TSHZ2: variants seen among roughly 807,000 people sequenced by gnomAD.
The protein encoded by TSHZ2 is teashirt homolog 2.
Under a neutral mutation model 74.4 loss-of-function variants are expected in TSHZ2, and 21 were observed. The ratio of observed to expected loss-of-function variants is 0.28; its 90% CI spans 0.20 to 0.41. TSHZ2 has a LOEUF of 0.41. Ranked by LOEUF, TSHZ2 falls within the 10% of genes least tolerant of loss-of-function variation. TSHZ2 has a pLI of 1.00. For missense variants in TSHZ2, 1,244 were observed against 1,293.5 expected (o/e 0.96, Z 0.59); for synonymous variants, 540 against 515.3 (o/e 1.05, Z -0.65).
intron 1 of TSHZ2, among the ~76,000 whole-genome samples, chr20:53,092,405 C>T (rs1234242576): frequency 1.3e-5 from 2 of 152,154 alleles, no homozygotes; most frequent in Non-Finnish European, 1.5e-5. Flanking sequence ...TGAGTCTTCT[C>T]ATATTACCCG....
intron 1 of TSHZ2, among the ~76,000 whole-genome samples, chr20:52,987,543 C>G (rs1981820306): frequency 6.6e-6 from 1 of 151,790 alleles, no homozygotes; most frequent in South Asian, 2.1e-4. Context: ...CTCTCTCTCT[C>G]TCTCCCCTAC....
chr20:53,241,332 G>A (rs1237709223), intron 1 of TSHZ2, among the ~76,000 whole-genome samples: 3 of 152,130 alleles, frequency 2.0e-5, no homozygotes, highest in Admixed American at 6.6e-5. Context: ...CAGACTCGCT[G>A]TTCCATATAA....
In TSHZ2 at chr20:52,972,847, A is replaced by G; in HGVS notation, c.-447A>G. On this transcript the variant is annotated 5_prime_UTR_variant, in exon 1 of 3. Transcript: ENST00000371497. ...TTGCCTTTTTTTTTTCCTTATCTTT[A>G]CGCGCGAGTGTGCCTGTGGCGCGTG... 1 of 190,540 alleles carries G rather than the reference A, an allele frequency of 5.2e-6. No individual in the cohort carries two copies. The highest frequency in any genetic ancestry group is 1.0e-5 in the Non-Finnish European group (1 of 95,324). The allele number at this position is 190,540 out of a possible 1,614,324, so 11.8% of individuals were successfully genotyped here.
At chr20:53,143,609 G>A (rs1000862658) in intron 1 of TSHZ2, among the ~76,000 whole-genome samples, 2 of 152,040 alleles carry the variant, frequency 1.3e-5, no homozygotes, top group African/African-American at 4.8e-5. Flanking sequence ...GGAGAATGGC[G>A]TGAACACGGG....
intron 1 of TSHZ2, among the ~76,000 whole-genome samples, chr20:53,078,816 G>A (rs1985444654): frequency 6.6e-6 from 1 of 152,116 alleles, no homozygotes; most frequent in Admixed American, 6.5e-5. Context: ...AATGGAGTGG[G>A]GGAAAATTTT....
chr20:53,001,419 G>C (rs1428000499), intron 1 of TSHZ2, among the ~76,000 whole-genome samples: 2 of 152,082 alleles, frequency 1.3e-5, no homozygotes, highest in Admixed American at 1.3e-4. Context: ...ATCAAGGAAG[G>C]AGAAAGGATT....
At chr20:53,037,976 C>G (rs1473736053) in intron 1 of TSHZ2, among the ~76,000 whole-genome samples, 1 of 151,902 alleles carries the variant, frequency 6.6e-6, no homozygotes, top group Admixed American at 6.6e-5. Context: ...CTCAGTCTGT[C>G]GCTCATGCTC....
At chr20:53,436,554 T>TA (rs1244405722) in intron 2 of TSHZ2, among the ~76,000 whole-genome samples, 25 of 138,600 alleles carry the variant, frequency 1.8e-4, no homozygotes, top group Admixed American at 5.1e-4. Flanking sequence ...TATTATTTTT[T>TA]TTTTTTTTTT....
rs1004355837 is a variant in TSHZ2, at chr20:53,253,611, C to T, written c.153C>T (p.Asp51=). Residue 51 remains aspartate (D), a synonymous_variant, in exon 2 of 3, where the codon GAC becomes GAT. Coordinates refer to ENST00000371497, the MANE Select transcript of TSHZ2 (RefSeq NM_173485.6). ...AGGGTGGCAATGACACAGGGACGGA[C>T]GAGGAGCTAGAAACGGGCCCAGAGC... is the stretch of plus-strand genomic sequence containing the variant. ...QLQGGNDTGT[D]EELETGPEQK... 3.8e-5 allele frequency: 61 copies of T among 1,614,046 alleles called. No homozygotes were observed. Among genetic ancestry groups the T allele is most frequent in the Non-Finnish European group, 4.7e-5 (56 of 1,180,018 alleles).
At chr20:53,135,354 C>G (rs1227785987) in intron 1 of TSHZ2, among the ~76,000 whole-genome samples, 1 of 152,130 alleles carries the variant, frequency 6.6e-6, no homozygotes, top group Admixed American at 6.6e-5. Context: ...CCATCTCTAT[C>G]ATTTTGTCTT....
At chr20:53,423,768 A>C (rs1159171324) in intron 2 of TSHZ2, among the ~76,000 whole-genome samples, 1 of 152,232 alleles carries the variant, frequency 6.6e-6, no homozygotes, top group Non-Finnish European at 1.5e-5. Context: ...CTGATGCTTC[A>C]GGATAGTCAA....
At chr20:53,189,087 A>C (rs1988670740) in intron 1 of TSHZ2, among the ~76,000 whole-genome samples, 1 of 152,220 alleles carries the variant, frequency 6.6e-6, no homozygotes, top group South Asian at 2.1e-4. Context: ...TTTATTGTAC[A>C]TGTTTGAAAT....
rs200671444 is a variant in TSHZ2, at chr20:53,304,034, T to TTTATTA, written c.*8+47480_*8+47485dup. 2.4e-3 allele frequency among the ~76,000 whole-genome samples: 364 copies of TTTATTA among 151,266 alleles called. 3 individuals are homozygous for TTTATTA. Among genetic ancestry groups the TTTATTA allele is most frequent in the African/African-American group, 8.1e-3 (333 of 41,222 alleles). On this transcript the variant is annotated intron_variant, in intron 2 of 2. Coordinates refer to ENST00000371497, the MANE Select transcript of TSHZ2 (RefSeq NM_173485.6). ...CACACATCATTCAAACAACAGATTC[T>TTTATTA]TTATTATTATTATTATTATTATACT... is the stretch of plus-strand genomic sequence containing the variant.
intron 1 of TSHZ2, among the ~76,000 whole-genome samples, chr20:53,203,740 G>A (rs1282661691): frequency 5.3e-5 from 8 of 152,042 alleles, no homozygotes; most frequent in Non-Finnish European, 1.0e-4. Context: ...GAAATCTCCT[G>A]ATTTTTTAGG....
rs528733349 is a variant in TSHZ2, at chr20:53,240,221, G to A, written c.41-13278G>A. On this transcript the variant is annotated intron_variant, in intron 1 of 2. Transcript: ENST00000371497. ...TTAACCATCAAATCAAACTGAGAAT[G>A]CCAATCACCAATTGGCTTAGATCCA... Among the ~76,000 whole-genome samples, 19 of 152,214 alleles carry A rather than the reference G, an allele frequency of 1.2e-4. No homozygotes were observed. In the South Asian group the frequency reaches 3.7e-3, roughly 30 times the overall value.
At chr20:52,974,781 C>A (rs116133625) in intron 1 of TSHZ2, among the ~76,000 whole-genome samples, 1,606 of 152,328 alleles carry the variant, frequency 0.011, 40 homozygotes, top group African/African-American at 0.036. Context: ...AAAATATCCA[C>A]AATTATCATT....
intron 2 of TSHZ2, among the ~76,000 whole-genome samples, chr20:53,304,336 TC>T (rs1042377143): frequency 6.6e-6 from 1 of 151,862 alleles, no homozygotes; most frequent in Non-Finnish European, 1.5e-5. Flanking sequence ...GTTTTAGAGC[TC>T]CCGGTACTTA....
intron 1 of TSHZ2, among the ~76,000 whole-genome samples, chr20:53,215,733 T>C (rs1370322651): frequency 1.3e-5 from 2 of 151,748 alleles, no homozygotes. Context: ...CCGGGCATGG[T>C]GGCACATGCC....
Position 53,255,003 on chromosome 20 carries a change from C to T in TSHZ2, c.1545C>T (p.Asp515=). The T allele has an allele frequency of 6.2e-7, 1 of 1,614,160 alleles. No homozygotes were observed. Among genetic ancestry groups the T allele is most frequent in the South Asian group, 1.1e-5 (1 of 91,070 alleles). The change falls in exon 2 of 3, where the codon GAC becomes GAT. Residue 515 remains aspartate (D), a synonymous_variant. Coordinates refer to ENST00000371497, the MANE Select transcript of TSHZ2 (RefSeq NM_173485.6). The surrounding 1 kb of genome is among the most constrained non-coding windows in gnomAD (Gnocchi z 4.1). ...AAGATGGCTCAAAGGGTGGAGGGGA[C>T]ATTTTGAAATCTTTGGAAAATACTG... ...DLEDGSKGGG[D]ILKSLENTVT...
Sources: gnomAD v4.1 joint callset for allele counts (sites outside exome capture counted in the v4.1 genomes callset) on GRCh38, gnomAD v4.1.1 for gene constraint, Gnocchi (gnomAD v3.1) non-coding constraint, MANE v1.5 for transcripts, NCBI Gene and HGNC (gene_info 2026-07-23, HGNC 2026-07-21) for gene names.